The following CPPED1 variants were observed in gnomAD, a reference collection of about 807,000 sequenced individuals.
The protein encoded by CPPED1 is serine/threonine-protein phosphatase CPPED1.
A neutral mutation model predicts 28.0 loss-of-function variants in CPPED1; 28 were observed. The observed-to-expected ratio is 1.00, with a 90% CI of 0.74 to 1.37. The LOEUF is 1.37. Ranked by LOEUF, CPPED1 falls within the 40% of genes most tolerant of loss-of-function variation. The pLI, the probability that CPPED1 is intolerant of heterozygous loss-of-function variation, is 0.00. For synonymous variants in CPPED1, 198 were observed against 180.2 expected, an observed-to-expected ratio of 1.10 and a Z score of -0.79; for missense variants, 504 against 416.5, an observed-to-expected ratio of 1.21 and a Z score of -1.83.
rs553490292 is a variant in CPPED1 at position 12,707,719 on chromosome 16, G to T, written c.290-2670C>A. 3.3e-5 allele frequency among the ~76,000 whole-genome samples: 5 copies of T among 152,276 alleles called. No individual in the cohort carries two copies. In the South Asian group the frequency reaches 8.3e-4, roughly 25 times the overall value. On this transcript the variant is annotated intron_variant, in intron 2 of 3. Coordinates refer to ENST00000381774, the MANE Select transcript of CPPED1 (RefSeq NM_018340.3). The stretch of plus-strand genomic sequence containing the variant: ...AGGAAGCAACCAACAAGGAAGAGCT[G>T]GGAATTACACACAGTAATGTGATGT...
chr16:12,709,953 A>G lies in CPPED1; in HGVS notation c.290-4904T>C, dbSNP rs2080071638. ...AGGAAGGGAAGGAAGGGAGGAAGGA[A>G]AGAAGGGAAGGAAGGCAAGGAAGGA... On this transcript the variant is annotated intron_variant, in intron 2 of 3. Transcript: ENST00000381774. This position sits in a 1 kb window ranked among gnomAD's most constrained non-coding sequence, Gnocchi z 4.4. Among the ~76,000 whole-genome samples, 1 of 149,110 alleles carries G rather than the reference A, an allele frequency of 6.7e-6. No homozygotes were observed. Among genetic ancestry groups the G allele is most frequent in the Non-Finnish European group, 1.5e-5 (1 of 67,102 alleles).
At chr16:12,673,842 T>G (rs754976696) in intron 3 of CPPED1, among the ~76,000 whole-genome samples, 1 of 151,652 alleles carries the variant, frequency 6.6e-6, no homozygotes, top group East Asian at 1.9e-4. Context: ...GGGCCAGGAG[T>G]TGGAGACCAG....
intron 2 of CPPED1, among the ~76,000 whole-genome samples, chr16:12,747,674 T>A (rs2080299259): frequency 6.6e-6 from 1 of 152,042 alleles, no homozygotes; most frequent in Non-Finnish European, 1.5e-5. Context: ...CGCCTCAGCC[T>A]CCCAAAGTGC....
At chr16:12,799,340 G>A (rs1053192485) in intron 1 of CPPED1, among the ~76,000 whole-genome samples, 3 of 151,050 alleles carry the variant, frequency 2.0e-5, no homozygotes. Context: ...CCGCCTCTCA[G>A]GTTCAAGTGA....
rs1273160795 is a variant in CPPED1, at chr16:12,709,089, C to G, written c.290-4040G>C. ...GAGCAAAACTCTGTCTCAAAAATGT[C>G]CCATTATATATGAGAACCCAAAGCC... On this transcript the variant is annotated intron_variant, in intron 2 of 3. Transcript: ENST00000381774. The surrounding 1 kb of genome is among the most constrained non-coding windows in gnomAD (Gnocchi z 4.4). 6.6e-6 allele frequency among the ~76,000 whole-genome samples: 1 copy of G among 152,068 alleles called. No individual in the cohort carries two copies. The highest frequency in any genetic ancestry group is 1.5e-5 in the Non-Finnish European group (1 of 68,010).
At chr16:12,731,206 T>G (rs1596463200) in intron 2 of CPPED1, among the ~76,000 whole-genome samples, 1 of 146,550 alleles carries the variant, frequency 6.8e-6, no homozygotes. Flanking sequence ...CAGGCTGGAG[T>G]GCAGTGGCGC....
chr16:12,684,684 G>T (rs1023218844), intron 3 of CPPED1, among the ~76,000 whole-genome samples: 1 of 152,094 alleles, frequency 6.6e-6, no homozygotes, highest in Admixed American at 6.5e-5. Flanking sequence ...TTTTACTTTT[G>T]CCCTGATTTC....
intron 3 of CPPED1, among the ~76,000 whole-genome samples, chr16:12,701,626 T>G (rs1206041714): frequency 6.6e-6 from 1 of 152,150 alleles, no homozygotes; most frequent in Admixed American, 6.5e-5. Flanking sequence ...CCCTGGACAC[T>G]GCAGTGAAGA....
At chr16:12,777,167 T>C (rs577315595) in intron 2 of CPPED1, among the ~76,000 whole-genome samples, 1 of 152,358 alleles carries the variant, frequency 6.6e-6, no homozygotes, top group African/African-American at 2.4e-5. Context: ...TGCAGCTGAA[T>C]ACATGAAGAA....
At chr16:12,790,918 CAAAAAAAAAAAAA>C (rs538022826) in intron 1 of CPPED1, among the ~76,000 whole-genome samples, 1 of 63,290 alleles carries the variant, frequency 1.6e-5, no homozygotes, top group East Asian at 4.8e-4. Flanking sequence ...GACTCTATCT[CAAAAAAAAAAAAA>C]AAAAAAAAAG....
At chr16:12,716,925 G>A (rs371687883) in intron 2 of CPPED1, among the ~76,000 whole-genome samples, 19 of 147,594 alleles carry the variant, frequency 1.3e-4, no homozygotes, top group African/African-American at 4.9e-4. Context: ...ACTGGGTGCC[G>A]TGGAAGCTCA....
intron 1 of CPPED1, 93 bp from the exon 2 acceptor site, chr16:12,781,496 T>G: frequency 8.9e-7 from 1 of 1,118,370 alleles, no homozygotes; most frequent in East Asian, 2.6e-5. Context: ...TACACTATTT[T>G]TCTTAAATTA....
chr16:12,787,309 G>A (rs1428889125), intron 1 of CPPED1, among the ~76,000 whole-genome samples: 5 of 151,902 alleles, frequency 3.3e-5, no homozygotes, highest in Admixed American at 2.6e-4. Context: ...ATGCCTATAG[G>A]GTATTTAGTG....
chr16:12,760,158 A>G (rs759594925), intron 2 of CPPED1, among the ~76,000 whole-genome samples: 1 of 152,232 alleles, frequency 6.6e-6, no homozygotes, highest in Non-Finnish European at 1.5e-5. Context: ...GTAAGAATAA[A>G]GTGATGTGTA....
intron 2 of CPPED1, among the ~76,000 whole-genome samples, chr16:12,763,712 T>C (rs533143390): frequency 1.3e-5 from 2 of 152,332 alleles, no homozygotes; most frequent in South Asian, 4.1e-4. Flanking sequence ...GATCTGAATT[T>C]AAGCCATCTG....
intron 2 of CPPED1, among the ~76,000 whole-genome samples, chr16:12,769,121 T>G (rs8044390): frequency 0.039 from 5,872 of 152,196 alleles, 378 homozygotes; most frequent in African/African-American, 0.13. Context: ...CGCCTCAGCC[T>G]CCCTAAGTGC....
chr16:12,715,349 T>C (rs746422513), intron 2 of CPPED1, among the ~76,000 whole-genome samples: 7 of 152,108 alleles, frequency 4.6e-5, no homozygotes, highest in Non-Finnish European at 8.8e-5. Flanking sequence ...AAGATCAAGG[T>C]CCAACACTTA....
intron 2 of CPPED1, among the ~76,000 whole-genome samples, chr16:12,708,464 T>G (rs1362640347): frequency 6.6e-6 from 1 of 152,212 alleles, no homozygotes; most frequent in East Asian, 1.9e-4. Context: ...GTCAGCTGTC[T>G]GCTTTCCACA....
intron 2 of CPPED1, among the ~76,000 whole-genome samples, chr16:12,750,159 C>T (rs1442331669): frequency 1.3e-5 from 2 of 152,214 alleles, no homozygotes; most frequent in African/African-American, 4.8e-5. Context: ...AGCAATAAGG[C>T]TGTTTCACTT....
Sources: allele counts gnomAD v4.1 joint callset (sites outside exome capture counted in the v4.1 genomes callset), GRCh38; gene constraint gnomAD v4.1.1; non-coding constraint Gnocchi (gnomAD v3.1); transcripts MANE v1.5; gene names NCBI Gene and HGNC (gene_info 2026-07-23, HGNC 2026-07-21).